Variants in ABCG1 observed in about 807,000 individuals in gnomAD.
ABCG1 encodes the protein ATP binding cassette subfamily G member 1.
A neutral mutation model predicts 69.2 loss-of-function variants in ABCG1; 29 were observed. That is an observed-to-expected ratio of 0.42 (90% confidence interval 0.31 to 0.57). The LOEUF (loss-of-function observed/expected upper bound fraction) is 0.57. ABCG1 is among the 20% of genes least tolerant of loss of function. ABCG1 has a pLI of 0.15. For synonymous variants in ABCG1, 370 were observed against 374.8 expected, an observed-to-expected ratio of 0.99 and a Z score of 0.15; for missense variants, 718 against 898.1, an observed-to-expected ratio of 0.80 and a Z score of 2.56.
At chr21:42,224,257 A>G (rs1442291329) in intron 1 of ABCG1, among the ~76,000 whole-genome samples, 1 of 152,114 alleles carries the variant, frequency 6.6e-6, no homozygotes, top group Admixed American at 6.5e-5. Flanking sequence ...TGAGCTCTAA[A>G]CACCTGGGGC....
At chr21:42,258,204 C>T (rs1353349520) in intron 2 of ABCG1, among the ~76,000 whole-genome samples, 1 of 149,478 alleles carries the variant, frequency 6.7e-6, no homozygotes, top group Non-Finnish European at 1.5e-5. Flanking sequence ...CTCCCATTTC[C>T]CCACCCACTC....
chr21:42,296,092 G>A lies in ABCG1; in HGVS notation c.1773-72G>A, dbSNP rs878928707. On this transcript the variant is annotated intron_variant, in intron 14 of 14. Transcript: ENST00000398449. This position sits in a 1 kb window ranked among gnomAD's most constrained non-coding sequence, Gnocchi z 5.4. ...GCTGGGAATCGCAGGGAGGGTGAAC[G>A]ACATTGACCTTCAGCCAACGGCGTG... The A allele has an allele frequency of 9.3e-5, 124 of 1,338,016 alleles. 1 individual carries two copies. The highest frequency in any genetic ancestry group is 1.7e-4 in the South Asian group (14 of 84,466). The allele number at this position is 1,338,016 out of a possible 1,614,324, so 82.9% of individuals were successfully genotyped here.
In ABCG1 at chr21:42,288,204, T is replaced by C; in HGVS notation, c.1123-7T>C. On this transcript the variant is annotated splice_region_variant and splice_polypyrimidine_tract_variant and intron_variant, in intron 9 of 14. Transcript: ENST00000398449. This position sits in a 1 kb window ranked among gnomAD's most constrained non-coding sequence, Gnocchi z 4.8. ...TTCACCCGCTCCCCTCTTGCGTGTG[T>C]CCTCAGGACTCCTCGTCCATGGAAG... The C allele has an allele frequency of 6.2e-7, 1 of 1,613,992 alleles. No individual in the cohort carries two copies. The highest frequency in any genetic ancestry group is 1.1e-5 in the South Asian group (1 of 91,082).
At chr21:42,259,859 G>C (rs2068374928) in intron 2 of ABCG1, 1 of 1,421,740 alleles carries the variant, frequency 7.0e-7, no homozygotes, top group East Asian at 2.5e-5. Flanking sequence ...GCAGGGGAGA[G>C]AGAGGCCAAT....
upstream of ABCG1, among the ~76,000 whole-genome samples, chr21:42,213,569 A>C (rs1377262686): frequency 6.6e-6 from 1 of 152,190 alleles, no homozygotes; most frequent in African/African-American, 2.4e-5. Flanking sequence ...ACTGACGTGC[A>C]CCTCCAGCCT....
intron 1 of ABCG1, among the ~76,000 whole-genome samples, chr21:42,225,352 A>G (rs1216750032): frequency 6.6e-6 from 1 of 152,232 alleles, no homozygotes; most frequent in Non-Finnish European, 1.5e-5. Flanking sequence ...ATCGATGCCT[A>G]TGGTGGCCAG....
intron 2 of ABCG1, among the ~76,000 whole-genome samples, chr21:42,253,814 G>C (rs1004614597): frequency 1.3e-5 from 2 of 152,046 alleles, no homozygotes; most frequent in East Asian, 3.9e-4. Flanking sequence ...GGTCGTGTGT[G>C]CCTCCTTGGG....
chr21:42,282,232 T>C, intron 5 of ABCG1, 42 bp from the exon 6 acceptor site: 4 of 1,594,212 alleles, frequency 2.5e-6, no homozygotes, highest in Non-Finnish European at 8.6e-7. Context: ...GTGGTGAGCT[T>C]TGGCGGGCAG....
intron 2 of ABCG1, among the ~76,000 whole-genome samples, chr21:42,233,360 G>T (rs553140303): frequency 6.6e-6 from 1 of 152,160 alleles, no homozygotes; most frequent in Non-Finnish European, 1.5e-5. Context: ...CTCCTGCCCC[G>T]TGGAGGGAGC....
chr21:42,293,368 C>T (rs2069126298), intron 13 of ABCG1, among the ~76,000 whole-genome samples: 2 of 140,648 alleles, frequency 1.4e-5, no homozygotes, highest in Admixed American at 1.4e-4. Flanking sequence ...TACACACACA[C>T]CACACTACAC....
In ABCG1 at chr21:42,207,924, G is replaced by T. The variant is rs185316844; in HGVS notation, c.48+6201G>T. Among the ~76,000 whole-genome samples, 5 of 152,320 alleles carry T rather than the reference G, an allele frequency of 3.3e-5. 1 individual carries two copies. Among genetic ancestry groups the T allele is most frequent in the Admixed American group, 3.3e-4 (5 of 15,290 alleles). ...CTCCTGTCACCACCCCAGCAAGGTG[G>T]ACGAGGAGCTTCTCATTAGTGCCCA... On this transcript the variant is annotated intron_variant, in intron 2 of 15. Coordinates refer to the ABCG1 transcript ENST00000398457.
At chr21:42,270,529 A>T (rs937083921) in intron 2 of ABCG1, among the ~76,000 whole-genome samples, 3 of 152,068 alleles carry the variant, frequency 2.0e-5, no homozygotes, top group African/African-American at 7.2e-5. Flanking sequence ...TTATTTAATC[A>T]TATGTTGATT....
intron 2 of ABCG1, among the ~76,000 whole-genome samples, chr21:42,260,483 C>T (rs371874186): frequency 7.9e-5 from 12 of 152,124 alleles, no homozygotes; most frequent in East Asian, 5.8e-4. Context: ...AAAGAGCTCA[C>T]CAGAATATCT....
intron 2 of ABCG1, among the ~76,000 whole-genome samples, chr21:42,257,907 C>T (rs1396055501): frequency 2.0e-5 from 3 of 151,554 alleles, no homozygotes; most frequent in African/African-American, 7.3e-5. Flanking sequence ...TTCATTTACT[C>T]CATCCATCCT....
In ABCG1 at chr21:42,279,451, CA is replaced by C. The variant is rs1569233796; in HGVS notation, c.588+2507del. 1.2e-3 allele frequency among the ~76,000 whole-genome samples: 182 copies of C among 152,338 alleles called. 1 individual carries two copies. Among genetic ancestry groups the C allele is most frequent in the African/African-American group, 4.1e-3 (171 of 41,578 alleles). ...GAGCTGAGCACACGGGGGAGCCCTC[CA>C]TCCTGGCCTCCTGGAACCCACCGGA... On this transcript the variant is annotated intron_variant, in intron 5 of 14. Transcript: ENST00000398449.
At chr21:42,256,594 TC>T in intron 2 of ABCG1, 1 of 1,520,642 alleles carries the variant, frequency 6.6e-7, no homozygotes, top group Non-Finnish European at 8.9e-7. Context: ...AGAAAGCAGT[TC>T]TCACAGTTTT....
At chr21:42,239,236 G>A (rs1343940070) in intron 2 of ABCG1, among the ~76,000 whole-genome samples, 1 of 152,162 alleles carries the variant, frequency 6.6e-6, no homozygotes. Context: ...TACCCCTCCT[G>A]TGAAAAGGAA....
At position 42,289,598 on chromosome 21, in the gene ABCG1, C is replaced by T. The variant is rs532811384; in HGVS notation, c.1225-452C>T. On this transcript the variant is annotated intron_variant, in intron 10 of 14. Transcript: ENST00000398449. The stretch of plus-strand genomic sequence containing the variant: ...GACAATCTGGCCACCTACTTAGGAG[C>T]GGCTGAATGCCTGGCATGGCTTCTG... 2.7e-4 allele frequency among the ~76,000 whole-genome samples: 41 copies of T among 152,236 alleles called. 1 individual carries two copies. Among genetic ancestry groups the T allele is most frequent in the African/African-American group, 9.6e-4 (40 of 41,544 alleles).
At chr21:42,263,028 T>TGCC (rs2068440174) in intron 2 of ABCG1, among the ~76,000 whole-genome samples, 1 of 152,216 alleles carries the variant, frequency 6.6e-6, no homozygotes, top group Non-Finnish European at 1.5e-5. Flanking sequence ...CGAGCGATGC[T>TGCC]GCCGTGTCCC....
Sources: allele counts gnomAD v4.1 joint callset (sites outside exome capture counted in the v4.1 genomes callset), GRCh38; gene constraint gnomAD v4.1.1; non-coding constraint Gnocchi (gnomAD v3.1); transcripts MANE v1.5; gene names NCBI Gene and HGNC (gene_info 2026-07-23, HGNC 2026-07-21).